The following GSK3B variants were observed in gnomAD, a reference collection of about 807,000 sequenced individuals.
GSK3B encodes glycogen synthase kinase-3 beta.
In GSK3B, 15 loss-of-function variants were observed where a neutral mutation model predicts 56.4. The observed-to-expected ratio is 0.27, with a 90% CI of 0.18 to 0.41. The LOEUF (loss-of-function observed/expected upper bound fraction) is 0.41. GSK3B is among the 10% of genes least tolerant of loss of function. The pLI is 1.00. For synonymous variants in GSK3B, 181 were observed against 188.9 expected (o/e 0.96, Z 0.34); for missense variants, 300 against 513.4 (o/e 0.58, Z 4.02).
intron 1 of GSK3B, among the ~76,000 whole-genome samples, chr3:120,054,746 CA>C: frequency 6.6e-6 from 1 of 151,952 alleles, no homozygotes. Context: ...GATAGCTCTC[CA>C]AATGGCTTCC....
intron 1 of GSK3B, among the ~76,000 whole-genome samples, chr3:120,077,680 T>C (rs1478077932): frequency 6.6e-6 from 1 of 152,044 alleles, no homozygotes; most frequent in African/African-American, 2.4e-5. Context: ...GGTAACTATG[T>C]GAGATGGAGA....
chr3:119,885,476 C>T (rs2056426061), intron 7 of GSK3B, among the ~76,000 whole-genome samples: 1 of 152,008 alleles, frequency 6.6e-6, no homozygotes, highest in African/African-American at 2.4e-5. Context: ...CTATTCCTAT[C>T]AAACTACCAA....
intron 1 of GSK3B, among the ~76,000 whole-genome samples, chr3:120,070,957 A>T (rs1455551267): frequency 6.6e-6 from 1 of 152,196 alleles, no homozygotes; most frequent in Non-Finnish European, 1.5e-5. Context: ...TGCAAAATGG[A>T]GATACCACTT....
chr3:119,889,937 T>C (rs996203033), intron 7 of GSK3B, among the ~76,000 whole-genome samples: 2 of 151,910 alleles, frequency 1.3e-5, no homozygotes, highest in African/African-American at 4.8e-5. Flanking sequence ...TAAACAAAAA[T>C]AAAGAGGGGC....
intron 9 of GSK3B, among the ~76,000 whole-genome samples, chr3:119,844,970 A>G (rs1176694752): frequency 2.6e-5 from 4 of 152,216 alleles, no homozygotes; most frequent in African/African-American, 9.6e-5. Context: ...ACCATGATCA[A>G]GTCGGCTTCA....
At chr3:119,973,182 G>A (rs562465840) in intron 2 of GSK3B, among the ~76,000 whole-genome samples, 1 of 152,186 alleles carries the variant, frequency 6.6e-6, no homozygotes, top group South Asian at 2.1e-4. Context: ...TACTACATTA[G>A]TCTCTCCTTA....
intron 4 of GSK3B, among the ~76,000 whole-genome samples, chr3:119,922,208 G>GGGAAGGAAGGAAGGAGGGAGGGAAGGAA (rs1559837825): frequency 1.0e-5 from 1 of 99,308 alleles, no homozygotes; most frequent in African/African-American, 4.5e-5. Flanking sequence ...TAGGGAAGGA[G>GGGAAGGAAGGAAGGAGGGAGGGAAGGAA]GGAAGGAAGG....
Position 120,093,499 on chromosome 3 carries a change from G to A in GSK3B, c.-65C>T. 9.6e-7 allele frequency: 1 copy of A among 1,040,128 alleles called. No homozygotes were observed. Among genetic ancestry groups the A allele is most frequent in the Non-Finnish European group, 1.5e-6 (1 of 662,134 alleles). The allele number at this position is 1,040,128 out of a possible 1,614,324, so 64.4% of individuals were successfully genotyped here. A position where few individuals can be genotyped will look rare whatever the true frequency, so the allele number is the denominator to read the frequency against. On this transcript the variant is annotated 5_prime_UTR_variant, in exon 1 of 11. Transcript: ENST00000264235. Reference sequence around the variant, plus strand: ...CTTTTCTTCCTTTTGTCTTTATGTTGGGGTGTTAGGTTAACGATAAATGCA... The same window carrying A: ...CTTTTCTTCCTTTTGTCTTTATGTTAGGGTGTTAGGTTAACGATAAATGCA...
intron 9 of GSK3B, among the ~76,000 whole-genome samples, chr3:119,858,994 T>G (rs926761852): frequency 2.6e-5 from 4 of 152,116 alleles, no homozygotes; most frequent in Non-Finnish European, 5.9e-5. Context: ...AAAAAATTAC[T>G]GATCACAGAT....
In GSK3B at chr3:119,860,865, G is replaced by T. The variant is rs1284731774; in HGVS notation, c.1096+2554C>A. Among the ~76,000 whole-genome samples the T allele has an allele frequency of 2.6e-5, 4 of 152,238 alleles. 1 individual carries two copies. The East Asian group carries it at 7.7e-4, about 29-fold the overall frequency. On this transcript the variant is annotated intron_variant, in intron 9 of 10. Transcript: ENST00000264235. ...CTATATGTACTTTATTTTATTTGGG[G>T]GAAGTAGTGCTGCAGATGTCACTGA...
intron 1 of GSK3B, among the ~76,000 whole-genome samples, chr3:120,052,994 C>A (rs546237663): frequency 1.3e-5 from 2 of 152,252 alleles, no homozygotes; most frequent in Non-Finnish European, 2.9e-5. Flanking sequence ...CTAAAGCAGT[C>A]TAACTACAGA....
At chr3:120,089,391 C>CT (rs1355622562) in intron 1 of GSK3B, among the ~76,000 whole-genome samples, 2 of 152,174 alleles carry the variant, frequency 1.3e-5, no homozygotes, top group African/African-American at 2.4e-5. Flanking sequence ...CACATGAACT[C>CT]TTTTCCACAT....
intron 3 of GSK3B, among the ~76,000 whole-genome samples, chr3:119,933,871 C>T (rs951389318): frequency 6.6e-6 from 1 of 151,834 alleles, no homozygotes; most frequent in Non-Finnish European, 1.5e-5. Context: ...AGCGAGACTC[C>T]TTCTTAAAAA....
At chr3:119,955,247 A>C (rs2057200424) in intron 2 of GSK3B, among the ~76,000 whole-genome samples, 6 of 151,768 alleles carry the variant, frequency 4.0e-5, no homozygotes, top group Non-Finnish European at 1.5e-5. Flanking sequence ...AAAAAAAAAA[A>C]AACACAAAAA....
intron 2 of GSK3B, among the ~76,000 whole-genome samples, chr3:119,949,187 G>T (rs960438826): frequency 6.6e-6 from 1 of 152,134 alleles, no homozygotes; most frequent in African/African-American, 2.4e-5. Flanking sequence ...TAAATTCCCA[G>T]ATAACAGAAG....
chr3:119,858,145 G>A (rs113170716), intron 9 of GSK3B, among the ~76,000 whole-genome samples: 37 of 152,246 alleles, frequency 2.4e-4, no homozygotes, highest in African/African-American at 7.2e-4. Flanking sequence ...TTTTTGGAAC[G>A]GTAAAGCAGC....
chr3:119,847,067 C>T (rs1294021515), intron 9 of GSK3B, among the ~76,000 whole-genome samples: 1 of 151,736 alleles, frequency 6.6e-6, no homozygotes, highest in Non-Finnish European at 1.5e-5. Flanking sequence ...TGTTCTCACT[C>T]GTAAGTGGGA....
intron 7 of GSK3B, among the ~76,000 whole-genome samples, chr3:119,895,580 T>G (rs1280516508): frequency 1.3e-5 from 2 of 152,150 alleles, no homozygotes; most frequent in South Asian, 2.1e-4. Context: ...GCTATATAAT[T>G]TTTGTATATG....
At chr3:119,950,380 T>C (rs2057145892) in intron 2 of GSK3B, among the ~76,000 whole-genome samples, 1 of 152,124 alleles carries the variant, frequency 6.6e-6, no homozygotes, top group African/African-American at 2.4e-5. Flanking sequence ...AAGAACCATG[T>C]GAAGATCTAG....
Sources: allele counts gnomAD v4.1 joint callset (sites outside exome capture counted in the v4.1 genomes callset), GRCh38; gene constraint gnomAD v4.1.1; transcripts MANE v1.5; gene names NCBI Gene and HGNC (gene_info 2026-07-23, HGNC 2026-07-21).